ANO5: variants seen among roughly 807,000 people sequenced by gnomAD.
The protein encoded by ANO5 is anoctamin-5.
Under a neutral mutation model 121.0 loss-of-function variants are expected in ANO5, and 109 were observed. That is an observed-to-expected ratio of 0.90 (90% CI 0.77 to 1.06). The LOEUF (loss-of-function observed/expected upper bound fraction) is 1.06. Ranked by LOEUF, ANO5 falls within the 50% of genes least tolerant of loss-of-function variation. ANO5 has a pLI of 0.00. For missense variants in ANO5, 1,064 were observed against 1,078.5 expected, an observed-to-expected ratio of 0.99 and a Z score of 0.19; for synonymous variants, 406 against 359.9, an observed-to-expected ratio of 1.13 and a Z score of -1.45.
Position 22,282,624 on chromosome 11 carries a change from G to A in ANO5, c.*2859G>A, listed in dbSNP as rs1008149750. ...GAGGAAGTTTGGTCCAGCTGTGGTT[G>A]ATAAGAGGTATATCTCTTAAAAAAG... On this transcript the variant is annotated 3_prime_UTR_variant, in exon 22 of 22. Transcript: ENST00000324559. 6 of 152,124 alleles carry A rather than the reference G, an allele frequency of 3.9e-5. No homozygotes were observed. Among genetic ancestry groups the A allele is most frequent in the African/African-American group, 1.4e-4 (6 of 41,422 alleles). 9.4% of individuals were successfully genotyped at this position (152,124 alleles called of 1,614,324 possible).
chr11:22,224,794 C>G (rs1000049477), intron 5 of ANO5, among the ~76,000 whole-genome samples: 1 of 151,850 alleles, frequency 6.6e-6, no homozygotes, highest in Non-Finnish European at 1.5e-5. Flanking sequence ...GAAAACGTGG[C>G]AAATACATAA....
chr11:22,252,025 G>T (rs559967128), intron 12 of ANO5, among the ~76,000 whole-genome samples: 95 of 60,122 alleles, frequency 1.6e-3, no homozygotes, highest in Non-Finnish European at 2.1e-3. Context: ...GCAAGACGCC[G>T]TCTCAAAAAA....
At chr11:22,274,806 G>C in intron 20 of ANO5, 59 bp downstream of exon 20, 2 of 1,568,114 alleles carry the variant, frequency 1.3e-6, no homozygotes, top group Non-Finnish European at 1.7e-6. Flanking sequence ...TATTTCTTAA[G>C]TTATCTATTA....
intron 2 of ANO5, among the ~76,000 whole-genome samples, chr11:22,204,129 A>G (rs1852043914): frequency 6.6e-6 from 1 of 152,072 alleles, no homozygotes; most frequent in Non-Finnish European, 1.5e-5. Flanking sequence ...AGATACTAGT[A>G]TTTGGCTTAA....
chr11:22,271,113 C>T (rs1394617551), intron 18 of ANO5, among the ~76,000 whole-genome samples: 4 of 151,986 alleles, frequency 2.6e-5, no homozygotes, highest in Non-Finnish European at 5.9e-5. Context: ...AGCGCAGCTG[C>T]CCAATCTCGG....
Position 22,255,447 on chromosome 11 carries a change from G to C in ANO5, c.1257G>C (p.Glu419Asp). 6.2e-7 allele frequency: 1 copy of C among 1,613,414 alleles called. No homozygotes were observed. ...EYEWDLVDFEEEQQQLQLRPE... is the reference protein window; with the variant it reads ...EYEWDLVDFEDEQQQLQLRPE... ...AATGGGACCTGGTGGACTTTGAAGAGGAACAGCAGCAGCTTCAGCTGAGAC... is the reference window on the plus strand; with the variant it reads ...AATGGGACCTGGTGGACTTTGAAGACGAACAGCAGCAGCTTCAGCTGAGAC... Residue 419 changes from glutamate to aspartate, a missense_variant, in exon 13 of 22, where the codon GAG becomes GAC. By Grantham distance (45) the Glu-to-Asp change is conservative (BLOSUM62 2). Transcript: ENST00000324559.
intron 3 of ANO5, among the ~76,000 whole-genome samples, chr11:22,211,516 G>A (rs181708110): frequency 2.6e-5 from 4 of 151,906 alleles, no homozygotes; most frequent in Admixed American, 1.3e-4. Context: ...TGAGAATGAC[G>A]CACTGAGTAT....
At chr11:22,261,862 G>A (rs1327424010) in intron 15 of ANO5, among the ~76,000 whole-genome samples, 7 of 152,164 alleles carry the variant, frequency 4.6e-5, no homozygotes, top group Non-Finnish European at 8.8e-5. Flanking sequence ...TTCAAATTCT[G>A]TGTAACCCCA....
Position 22,281,411 on chromosome 11 carries a change from G to C in ANO5, c.*1646G>C, listed in dbSNP as rs1855073113. The C allele has an allele frequency of 6.6e-6, 1 of 152,162 alleles. No homozygotes were observed. Among genetic ancestry groups the C allele is most frequent in the Admixed American group, 6.5e-5 (1 of 15,272 alleles). 9.4% of individuals were successfully genotyped at this position (152,162 alleles called of 1,614,324 possible). ...CAGTTTGGACTGGGACTAATCCCCA[G>C]TACTGATTTGTCATCCACTGAGTAG... On this transcript the variant is annotated 3_prime_UTR_variant, in exon 22 of 22. Coordinates refer to ENST00000324559, the MANE Select transcript of ANO5 (RefSeq NM_213599.3).
At chr11:22,258,923 G>C (rs1854093047) in intron 14 of ANO5, among the ~76,000 whole-genome samples, 1 of 152,138 alleles carries the variant, frequency 6.6e-6, no homozygotes, top group South Asian at 2.1e-4. Flanking sequence ...CACGAGGTCA[G>C]GAGATCGAGA....
chr11:22,255,046 AT>A (rs763713725), intron 12 of ANO5, among the ~76,000 whole-genome samples: 3 of 152,180 alleles, frequency 2.0e-5, no homozygotes, highest in South Asian at 2.1e-4. Flanking sequence ...GCAAAAAAAA[AT>A]ATTTCAGTGT....
intron 12 of ANO5, 84 bp downstream of exon 12, chr11:22,251,095 A>G: frequency 7.6e-7 from 1 of 1,307,294 alleles, no homozygotes; most frequent in Non-Finnish European, 1.1e-6. Context: ...CAGATGAAAT[A>G]TCTTACATAC....
Position 22,227,379 on chromosome 11 carries a change from G to C in ANO5, c.441G>C (p.Leu147Phe), listed in dbSNP as rs1339196022. 1.2e-6 allele frequency: 2 copies of C among 1,613,338 alleles called. No individual in the cohort carries two copies. Among genetic ancestry groups the C allele is most frequent in the African/African-American group, 2.7e-5 (2 of 74,872 alleles). Residue 147 changes from leucine (L) to phenylalanine (F), a missense_variant, in exon 7 of 22, where the codon TTG (leucine) becomes TTC (phenylalanine). By Grantham distance (22) the Leu-to-Phe change is conservative. Transcript: ENST00000324559. ...TATTAGTTACCTATGCTGAAGTCTT[G>C]GGAATCAAAATGCCTATTAAGGAGA... ...WEVLVTYAEVLGIKMPIKESD... is the reference protein window; with the variant it reads ...WEVLVTYAEVFGIKMPIKESD...
chr11:22,234,390 T>C (rs1445729520), intron 7 of ANO5, among the ~76,000 whole-genome samples: 1 of 152,130 alleles, frequency 6.6e-6, no homozygotes, highest in African/African-American at 2.4e-5. Context: ...AAGCTTTTGG[T>C]AAAGCATCAG....
At chr11:22,270,265 T>G in intron 17 of ANO5, 47 bp from the exon 18 acceptor site, 1 of 1,609,440 alleles carries the variant, frequency 6.2e-7, no homozygotes, top group South Asian at 1.1e-5. Context: ...TCTGATCGCT[T>G]TCTTTTTGGT....
intron 15 of ANO5, among the ~76,000 whole-genome samples, chr11:22,260,632 A>G (rs980590367): frequency 6.6e-6 from 1 of 152,176 alleles, no homozygotes; most frequent in African/African-American, 2.4e-5. Flanking sequence ...ATTTTCCTCA[A>G]TGGGAAAAAA....
At chr11:22,225,654 A>C (rs1363933971) in intron 5 of ANO5, among the ~76,000 whole-genome samples, 2 of 152,154 alleles carry the variant, frequency 1.3e-5, no homozygotes, top group Non-Finnish European at 2.9e-5. Flanking sequence ...TCTTTGTAAT[A>C]GTGAATCTTT....
chr11:22,253,651 C>A (rs796958145), intron 12 of ANO5, among the ~76,000 whole-genome samples: 7 of 152,172 alleles, frequency 4.6e-5, no homozygotes, highest in African/African-American at 1.7e-4. Context: ...GAAGTTTCTG[C>A]CTTACGAAAT....
chr11:22,269,341 A>AAAGGG (rs1177387074), intron 17 of ANO5, among the ~76,000 whole-genome samples: 1 of 135,794 alleles, frequency 7.4e-6, no homozygotes, highest in African/African-American at 2.9e-5. Context: ...AAGAGAAGGA[A>AAAGGG]AAGGGAAGGG....
Sources: allele counts gnomAD v4.1 joint callset (sites outside exome capture counted in the v4.1 genomes callset), GRCh38; gene constraint gnomAD v4.1.1; transcripts MANE v1.5; gene names NCBI Gene and HGNC (gene_info 2026-07-23, HGNC 2026-07-21).